The following MAML3 variants were observed in gnomAD, a reference collection of about 807,000 sequenced individuals.
MAML3 encodes mastermind like transcriptional coactivator 3.
Under a neutral mutation model 101.9 loss-of-function variants are expected in MAML3, and 27 were observed. The ratio of observed to expected loss-of-function variants is 0.27; its 90% CI spans 0.20 to 0.37. The LOEUF (loss-of-function observed/expected upper bound fraction) is 0.37. MAML3 is among the 10% of genes least tolerant of loss of function. MAML3 has a pLI of 1.00. For synonymous variants in MAML3, 501 were observed against 555.9 expected (o/e 0.90, Z 1.39); for missense variants, 1,316 against 1,444.9 (o/e 0.91, Z 1.45).
rs555612710 is a variant in MAML3, at chr4:139,730,381, A to C, written c.2331+35T>G. ...GCAGGTGCTGAATAAGTGCTTGCTG[A>C]ATGAATGAATGAATCACGCCAAGGG... On this transcript the variant is annotated intron_variant, in intron 3 of 4. Transcript: ENST00000509479. 21 of 1,502,158 alleles carry C rather than the reference A, an allele frequency of 1.4e-5. No homozygotes were observed. In the Admixed American group the frequency reaches 2.4e-4, roughly 17 times the overall value. 93.1% of individuals were successfully genotyped at this position (1,502,158 alleles called of 1,614,324 possible).
At chr4:139,955,092 A>G (rs1311856468) in intron 1 of MAML3, among the ~76,000 whole-genome samples, 1 of 152,136 alleles carries the variant, frequency 6.6e-6, no homozygotes, top group African/African-American at 2.4e-5. Flanking sequence ...ATCTCTGAAT[A>G]TTCTAAGATC....
intron 1 of MAML3, among the ~76,000 whole-genome samples, chr4:140,085,924 A>G (rs778564215): frequency 2.0e-5 from 3 of 151,994 alleles, no homozygotes; most frequent in South Asian, 2.1e-4. Flanking sequence ...GGCCTCTATC[A>G]TTTTTGCCAG....
intron 1 of MAML3, among the ~76,000 whole-genome samples, chr4:140,031,034 G>A (rs1395836421): frequency 6.6e-6 from 1 of 152,156 alleles, no homozygotes; most frequent in African/African-American, 2.4e-5. Context: ...AACAGCCGCA[G>A]ACTGTACTGA....
At chr4:139,947,828 AT>A (rs1321511098) in intron 1 of MAML3, among the ~76,000 whole-genome samples, 1 of 152,178 alleles carries the variant, frequency 6.6e-6, no homozygotes, top group Admixed American at 6.6e-5. Flanking sequence ...CTTGCTGGGC[AT>A]GGTGACTCAC....
rs572635384 is a variant in MAML3 at position 139,990,266 on chromosome 4, A to G, written c.469-99299T>C. 2.0e-5 allele frequency among the ~76,000 whole-genome samples: 3 copies of G among 152,370 alleles called. No homozygotes were observed. In the South Asian group the frequency reaches 6.2e-4, roughly 32 times the overall value. ...TCAATATACGCAAATCAATAAATGT[A>G]ATTCAGCATATAAACAGAACCAAAG... On this transcript the variant is annotated intron_variant, in intron 1 of 4. Transcript: ENST00000509479.
chr4:140,099,698 G>A (rs34224809), intron 1 of MAML3, among the ~76,000 whole-genome samples: 30,037 of 152,088 alleles, frequency 0.2, 3,222 homozygotes, highest in Middle Eastern at 0.35. Flanking sequence ...GATAAAGGAT[G>A]AGCAGAATGT....
chr4:139,794,501 T>G (rs1423120655), intron 2 of MAML3: 1 of 152,256 alleles, frequency 6.6e-6, no homozygotes, highest in Non-Finnish European at 1.5e-5. Context: ...TGCCTCTATA[T>G]CAACTCCCAG....
intron 2 of MAML3, among the ~76,000 whole-genome samples, chr4:139,880,878 C>CAATACAGG (rs1287048649): frequency 1.3e-5 from 2 of 152,032 alleles, no homozygotes; most frequent in Admixed American, 1.3e-4. Context: ...AGTACAATCA[C>CAATACAGG]AATACAGGAA....
chr4:139,839,348 A>G (rs78807889), intron 2 of MAML3, among the ~76,000 whole-genome samples: 5,325 of 152,154 alleles, frequency 0.035, 136 homozygotes, highest in African/African-American at 0.064. Context: ...TTGAAACACC[A>G]CTACCAGAAT....
At chr4:140,001,971 A>G (rs1734932077) in intron 1 of MAML3, among the ~76,000 whole-genome samples, 1 of 152,202 alleles carries the variant, frequency 6.6e-6, no homozygotes, top group Admixed American at 6.5e-5. Context: ...ATGGTGTGCA[A>G]CATGTTTTGA....
intron 1 of MAML3, among the ~76,000 whole-genome samples, chr4:139,955,760 T>C (rs112447815): frequency 4.9e-4 from 74 of 152,294 alleles, no homozygotes; most frequent in African/African-American, 1.7e-3. Flanking sequence ...CTCAGGTAGT[T>C]AACTGGGAGT....
At chr4:140,026,968 C>T (rs555286805) in intron 1 of MAML3, among the ~76,000 whole-genome samples, 2 of 151,924 alleles carry the variant, frequency 1.3e-5, no homozygotes, top group South Asian at 4.2e-4. Flanking sequence ...ATGTGTGTTT[C>T]CATAGTACTG....
At chr4:139,835,855 T>C (rs1731247222) in intron 2 of MAML3, among the ~76,000 whole-genome samples, 1 of 152,130 alleles carries the variant, frequency 6.6e-6, no homozygotes, top group East Asian at 1.9e-4. Context: ...TCAAAGGAAG[T>C]CAATTTAAAC....
chr4:139,800,505 A>C (rs1372463675), intron 2 of MAML3, among the ~76,000 whole-genome samples: 1 of 152,194 alleles, frequency 6.6e-6, no homozygotes, highest in Non-Finnish European at 1.5e-5. Flanking sequence ...GAAAAGTATA[A>C]AGTTTCTGTT....
chr4:139,894,878 C>T (rs1732579090), intron 1 of MAML3, among the ~76,000 whole-genome samples: 1 of 152,206 alleles, frequency 6.6e-6, no homozygotes, highest in African/African-American at 2.4e-5. Context: ...TCAAATATCA[C>T]AGCTTTAGGA....
chr4:139,916,845 C>T (rs1446045223), intron 1 of MAML3, among the ~76,000 whole-genome samples: 3 of 152,202 alleles, frequency 2.0e-5, no homozygotes, highest in Admixed American at 6.5e-5. Flanking sequence ...TAACTTTCCT[C>T]TCCCATTAAC....
intron 1 of MAML3, among the ~76,000 whole-genome samples, chr4:140,076,534 G>T (rs982292558): frequency 3.3e-5 from 5 of 152,150 alleles, no homozygotes; most frequent in Non-Finnish European, 4.4e-5. Context: ...AAAGTCTTAG[G>T]CTCCAGGCCC....
intron 2 of MAML3, among the ~76,000 whole-genome samples, chr4:139,823,294 C>T (rs1316357369): frequency 6.6e-6 from 1 of 152,172 alleles, no homozygotes; most frequent in Admixed American, 6.5e-5. Flanking sequence ...GCTGAGAACC[C>T]TGAACTGAAT....
chr4:140,105,634 A>G (rs1160723540), intron 1 of MAML3, among the ~76,000 whole-genome samples: 1 of 152,254 alleles, frequency 6.6e-6, no homozygotes, highest in Non-Finnish European at 1.5e-5. Context: ...TTGATAAAGT[A>G]TAACAAACAG....
Sources: allele counts gnomAD v4.1 joint callset (sites outside exome capture counted in the v4.1 genomes callset), GRCh38; gene constraint gnomAD v4.1.1; transcripts MANE v1.5; gene names NCBI Gene and HGNC (gene_info 2026-07-23, HGNC 2026-07-21).